Variants in KDM4C observed in about 807,000 individuals in gnomAD.
KDM4C encodes lysine-specific demethylase 4C.
In KDM4C, 81 loss-of-function variants were observed where a neutral mutation model predicts 129.3. That is an observed-to-expected ratio of 0.63 (90% CI 0.52 to 0.75). The LOEUF is 0.75. KDM4C is among the 30% of genes least tolerant of loss of function. KDM4C has a pLI of 0.00. For missense variants in KDM4C, 1,457 were observed against 1,304.0 expected (o/e 1.12, Z -1.81); for synonymous variants, 573 against 456.1 (o/e 1.26, Z -3.26).
At chr9:6,993,076 C>G (rs183333503) in intron 12 of KDM4C, among the ~76,000 whole-genome samples, 47 of 152,226 alleles carry the variant, frequency 3.1e-4, no homozygotes, top group Admixed American at 1.9e-3. Context: ...GGTGGCACAT[C>G]CTGTAATTAC....
intron 8 of KDM4C, among the ~76,000 whole-genome samples, chr9:6,974,074 C>A (rs1013080656): frequency 2.0e-5 from 3 of 152,182 alleles, no homozygotes; most frequent in African/African-American, 7.2e-5. Flanking sequence ...ACTTAAACCC[C>A]CTTTTCCCCC....
chr9:7,154,631 CCT>C (rs888818941), intron 19 of KDM4C, among the ~76,000 whole-genome samples: 5 of 152,076 alleles, frequency 3.3e-5, no homozygotes, highest in Non-Finnish European at 7.4e-5. Context: ...GGAGTTTGGC[CCT>C]GACTTTGGCA....
At chr9:6,732,121 A>AT (rs1276655395) in intron 1 of KDM4C, among the ~76,000 whole-genome samples, 1 of 151,968 alleles carries the variant, frequency 6.6e-6, no homozygotes, top group Non-Finnish European at 1.5e-5. Flanking sequence ...TAATCCCAGC[A>AT]CTTGGGAGGC....
chr9:6,913,446 G>A (rs1254358576), intron 8 of KDM4C, among the ~76,000 whole-genome samples: 1 of 152,210 alleles, frequency 6.6e-6, no homozygotes, highest in Non-Finnish European at 1.5e-5. Context: ...TTTATCATGT[G>A]TTTCCTTCTT....
At chr9:6,889,865 C>T (rs1845872649) in intron 7 of KDM4C, among the ~76,000 whole-genome samples, 1 of 152,162 alleles carries the variant, frequency 6.6e-6, no homozygotes, top group Non-Finnish European at 1.5e-5. Context: ...GCCTCTGGAG[C>T]TTGGAGCTCT....
intron 18 of KDM4C, among the ~76,000 whole-genome samples, chr9:7,113,261 T>C (rs1838532146): frequency 6.6e-6 from 1 of 152,214 alleles, no homozygotes; most frequent in Non-Finnish European, 1.5e-5. Context: ...TGTTGAGCTC[T>C]CTCTCCACTT....
intron 8 of KDM4C, among the ~76,000 whole-genome samples, chr9:6,904,453 A>G (rs922275713): frequency 3.3e-5 from 5 of 151,514 alleles, no homozygotes; most frequent in Non-Finnish European, 5.9e-5. Context: ...AGTAGTACAT[A>G]AGAGTTCATT....
intron 5 of KDM4C, among the ~76,000 whole-genome samples, chr9:6,871,193 C>T (rs1015480265): frequency 5.9e-5 from 9 of 152,112 alleles, no homozygotes; most frequent in East Asian, 1.9e-4. Flanking sequence ...GAAAGAAGTA[C>T]GAAGAGGGCA....
At chr9:7,158,239 C>G (rs565974467) in intron 19 of KDM4C, among the ~76,000 whole-genome samples, 3 of 151,896 alleles carry the variant, frequency 2.0e-5, no homozygotes, top group African/African-American at 7.2e-5. Context: ...TGATTCTTCT[C>G]TCTTTTCTTC....
At position 7,126,695 on chromosome 9, in the gene KDM4C, A is replaced by C. The variant is rs564465266; in HGVS notation, c.2611-1371A>C. Reference sequence around the variant, plus strand: ...CTACTGGAAAGGTTGAGAATCAAAGATACTCCTCTAATAAGAGCATACCTA... The same window carrying C: ...CTACTGGAAAGGTTGAGAATCAAAGCTACTCCTCTAATAAGAGCATACCTA... On this transcript the variant is annotated intron_variant, in intron 18 of 21. Coordinates refer to ENST00000381309, the MANE Select transcript of KDM4C (RefSeq NM_015061.6). 1.9e-4 allele frequency among the ~76,000 whole-genome samples: 29 copies of C among 152,294 alleles called. No homozygotes were observed. The East Asian group carries it at 5.2e-3, about 27-fold the overall frequency.
chr9:7,112,438 C>T (rs879817030), intron 18 of KDM4C, among the ~76,000 whole-genome samples: 24 of 152,124 alleles, frequency 1.6e-4, no homozygotes, highest in African/African-American at 5.3e-4. Context: ...CCACCATGGC[C>T]ATGTCCCAGG....
intron 1 of KDM4C, among the ~76,000 whole-genome samples, chr9:6,765,699 C>G (rs1246096351): frequency 6.6e-6 from 1 of 152,124 alleles, no homozygotes; most frequent in Non-Finnish European, 1.5e-5. Context: ...GGAAATACAT[C>G]TTACCCATCG....
intron 19 of KDM4C, among the ~76,000 whole-genome samples, chr9:7,137,199 T>C (rs563708301): frequency 2.0e-5 from 3 of 152,316 alleles, no homozygotes; most frequent in African/African-American, 7.2e-5. Flanking sequence ...TGGTCCCCTG[T>C]GCCAGCCTGA....
intron 19 of KDM4C, among the ~76,000 whole-genome samples, chr9:7,147,920 T>G (rs1189738238): frequency 1.3e-5 from 2 of 152,232 alleles, no homozygotes; most frequent in Non-Finnish European, 2.9e-5. Context: ...GCTAGGCTCG[T>G]TCCGTCCACT....
intron 8 of KDM4C, among the ~76,000 whole-genome samples, chr9:6,912,479 A>T (rs977258464): frequency 3.9e-5 from 6 of 152,192 alleles, no homozygotes; most frequent in Non-Finnish European, 5.9e-5. Context: ...TTCATTGTAG[A>T]ATGAATGAAT....
intron 4 of KDM4C, among the ~76,000 whole-genome samples, chr9:6,829,057 A>G (rs2131298171): frequency 6.6e-6 from 1 of 152,348 alleles, no homozygotes; most frequent in East Asian, 1.9e-4. Flanking sequence ...TGATTGTGAG[A>G]CGTGTCAGCA....
At chr9:7,117,383 C>T (rs372165963) in intron 18 of KDM4C, among the ~76,000 whole-genome samples, 4 of 152,072 alleles carry the variant, frequency 2.6e-5, no homozygotes, top group African/African-American at 9.6e-5. Flanking sequence ...AGTCAGAAAT[C>T]GTTATAGGCA....
chr9:7,059,907 G>T (rs1831376533), intron 17 of KDM4C, among the ~76,000 whole-genome samples: 1 of 151,928 alleles, frequency 6.6e-6, no homozygotes, highest in South Asian at 2.1e-4. Context: ...AATTTCTAAT[G>T]TAAAAAATAT....
intron 15 of KDM4C, among the ~76,000 whole-genome samples, chr9:7,026,075 G>A (rs183106106): frequency 1.3e-5 from 2 of 151,850 alleles, no homozygotes; most frequent in Non-Finnish European, 2.9e-5. Flanking sequence ...GTGTTGTGGC[G>A]AGCACCTGTA....
Sources: allele counts gnomAD v4.1 joint callset (sites outside exome capture counted in the v4.1 genomes callset), GRCh38; gene constraint gnomAD v4.1.1; transcripts MANE v1.5; gene names NCBI Gene and HGNC (gene_info 2026-07-23, HGNC 2026-07-21).